Variants in PSG2 observed in about 807,000 individuals in gnomAD.
PSG2 encodes pregnancy-specific beta-1-glycoprotein 2.
In PSG2, 49 loss-of-function variants were observed where a neutral mutation model predicts 36.2. The observed-to-expected ratio is 1.35, with a 90% CI of 1.08 to 1.72. PSG2 has a LOEUF of 1.72. Ranked by LOEUF, PSG2 falls within the 40% of genes most tolerant of loss-of-function variation. The probability of loss-of-function intolerance (pLI) is 0.00; values close to 1 mark genes in which losing one functional copy is unlikely to be tolerated. For missense variants in PSG2, 605 were observed against 407.2 expected, an observed-to-expected ratio of 1.49 and a Z score of -4.18; for synonymous variants, 261 against 155.6, an observed-to-expected ratio of 1.68 and a Z score of -5.04.
intron 3 of PSG2, among the ~76,000 whole-genome samples, chr19:43,073,880 T>C (rs1967854139): frequency 6.6e-6 from 1 of 151,762 alleles, no homozygotes; most frequent in Non-Finnish European, 1.5e-5. Context: ...TGGTTTAGCA[T>C]CCCAAATCTG....
At chr19:43,072,567 A>C in intron 3 of PSG2, 1 of 1,611,378 alleles carries the variant, frequency 6.2e-7, no homozygotes, top group Non-Finnish European at 8.5e-7. Context: ...GTGAAGGCTA[A>C]TACATCCTTA....
intron 4 of PSG2, among the ~76,000 whole-genome samples, chr19:43,071,374 T>G (rs1967813619): frequency 6.6e-6 from 1 of 151,740 alleles, no homozygotes; most frequent in Admixed American, 6.6e-5. Context: ...GAAGGGGATG[T>G]GTTAGTGACA....
intron 3 of PSG2, among the ~76,000 whole-genome samples, chr19:43,073,818 T>A (rs1463742348): frequency 6.6e-6 from 1 of 151,670 alleles, no homozygotes; most frequent in Admixed American, 6.6e-5. Flanking sequence ...AGACAAAAAG[T>A]GTTTCGGATT....
At chr19:43,075,317 T>TG in intron 3 of PSG2, 37 bp downstream of exon 3, 1 of 1,613,122 alleles carries the variant, frequency 6.2e-7, no homozygotes, top group Non-Finnish European at 8.5e-7. Flanking sequence ...GTATTTGGGA[T>TG]GGCAGTCTGG....
At chr19:43,071,294 G>C (rs1432649271) in intron 4 of PSG2, among the ~76,000 whole-genome samples, 1 of 151,444 alleles carries the variant, frequency 6.6e-6, no homozygotes, top group African/African-American at 2.4e-5. Context: ...GGAAAAGTGT[G>C]AGCTTGTTTC....
At chr19:43,079,712 G>A (rs1378512223) in intron 2 of PSG2, among the ~76,000 whole-genome samples, 1 of 151,692 alleles carries the variant, frequency 6.6e-6, no homozygotes, top group Non-Finnish European at 1.5e-5. Flanking sequence ...GACAGTTGAG[G>A]CAGGTGATTT....
Position 43,075,566 on chromosome 19 carries a change from A to G in PSG2, c.497T>C (p.Ile166Thr). ...LNPREAMETV[I>T]LTCDPETPDT... ...CGGAGTCTCAGGATCACAGGTTAAG[A>G]TCACAGTTTCCATGGCCTCCCTGGG... Residue 166 changes from isoleucine to threonine, a missense_variant, in exon 3 of 6, where the codon ATC (isoleucine) becomes ACC (threonine). Ile to Thr is a moderately conservative substitution (Grantham distance 89, BLOSUM62 -1). Coordinates refer to ENST00000406487, the MANE Select transcript of PSG2 (RefSeq NM_031246.4). The G allele has an allele frequency of 1.2e-6, 2 of 1,613,300 alleles. No homozygotes were observed. Among genetic ancestry groups the G allele is most frequent in the Non-Finnish European group, 1.7e-6 (2 of 1,179,776 alleles).
At chr19:43,072,286 G>A in intron 3 of PSG2, 1 of 1,594,122 alleles carries the variant, frequency 6.3e-7, no homozygotes, top group East Asian at 2.2e-5. Context: ...GAGAGACTGA[G>A]AGGCCTGGCC....
At chr19:43,073,664 C>T (rs1267693866) in intron 3 of PSG2, among the ~76,000 whole-genome samples, 2 of 151,576 alleles carry the variant, frequency 1.3e-5, no homozygotes, top group East Asian at 3.8e-4. Flanking sequence ...CTGCTGGTTG[C>T]CAGGAGCTGG....
chr19:43,073,313 G>A (rs1343110161), intron 3 of PSG2, among the ~76,000 whole-genome samples: 2 of 151,768 alleles, frequency 1.3e-5, no homozygotes, highest in East Asian at 3.9e-4. Context: ...AAGAGTGAAG[G>A]GGATAGGCAA....
intron 2 of PSG2, among the ~76,000 whole-genome samples, chr19:43,078,190 G>T (rs1433028078): frequency 6.6e-6 from 1 of 151,758 alleles, no homozygotes; most frequent in African/African-American, 2.4e-5. Context: ...GGCTAACCTT[G>T]GGAGGAATTT....
Position 43,072,672 on chromosome 19 carries a change from T to A in PSG2, c.710-718A>T. ...AGAAGATTGTCCTGTGTGGCACTTT[T>A]GATTCCTCCACAGGCATCCTTCAAT... On this transcript the variant is annotated intron_variant, in intron 3 of 5. Transcript: ENST00000406487. 18 of 1,603,756 alleles carry A rather than the reference T, an allele frequency of 1.1e-5. No homozygotes were observed. In the South Asian group the frequency reaches 2.0e-4, roughly 18 times the overall value.
Position 43,077,583 on chromosome 19 carries a change from A to T in PSG2, c.431-1951T>A, listed in dbSNP as rs142670525. On this transcript the variant is annotated intron_variant, in intron 2 of 5. Transcript: ENST00000406487. ...ACAAGAAGAACTCCAACTTATGAAA[A>T]CGGCATCATCATGAGGAAACACTTG... 5.3e-5 allele frequency among the ~76,000 whole-genome samples: 8 copies of T among 151,806 alleles called. No homozygotes were observed. The East Asian group carries it at 1.5e-3, about 29-fold the overall frequency.
At chr19:43,073,526 A>G (rs1310291655) in intron 3 of PSG2, among the ~76,000 whole-genome samples, 1 of 151,764 alleles carries the variant, frequency 6.6e-6, no homozygotes, top group African/African-American at 2.4e-5. Context: ...TTTGATGGAT[A>G]TGAGACAAAT....
chr19:43,071,712 C>T lies in PSG2; in HGVS notation c.952G>A (p.Val318Ile), dbSNP rs1142256. ...GGGATCCACTTACCAGAGACTTTGA[C>T]TGTCAACGATGTGGAGCTTTCCTCG... ...TGEESSTSLT[V>I]KVSASTRIGL... Residue 318 changes from valine (V) to isoleucine (I), a missense_variant, in exon 4 of 6, where the codon GTC becomes ATC. Coordinates refer to ENST00000406487, the MANE Select transcript of PSG2 (RefSeq NM_031246.4). The T allele has an allele frequency of 1.2e-6, 2 of 1,613,004 alleles. No homozygotes were observed. The highest frequency in any genetic ancestry group is 1.7e-6 in the Non-Finnish European group (2 of 1,179,490).
At position 43,064,326 on chromosome 19, in the gene PSG2, G is replaced by C. The variant is rs950526499; in HGVS notation, c.*316C>G. On this transcript the variant is annotated 3_prime_UTR_variant, in exon 6 of 6. Transcript: ENST00000406487. Reference sequence around the variant, plus strand: ...AATGTTTCAATTTTTGTTTACAAAAGTATACTTTACCAATTGCTCAAGAAA... The same window carrying C: ...AATGTTTCAATTTTTGTTTACAAAACTATACTTTACCAATTGCTCAAGAAA... 7 of 267,812 alleles carry C rather than the reference G, an allele frequency of 2.6e-5. No individual in the cohort carries two copies. Among genetic ancestry groups the C allele is most frequent in the African/African-American group, 1.6e-4 (7 of 44,178 alleles). 16.6% of individuals were successfully genotyped at this position (267,812 alleles called of 1,614,324 possible).
At chr19:43,066,379 G>T (rs1967739422) in intron 5 of PSG2, 138 bp downstream of exon 5, 1 of 691,988 alleles carries the variant, frequency 1.4e-6, no homozygotes, top group Admixed American at 2.1e-5. Context: ...GGAACTGCAG[G>T]AATTAGTGCT....
At chr19:43,080,625 TCTC>T (rs1447618703) in intron 2 of PSG2, among the ~76,000 whole-genome samples, 3 of 151,536 alleles carry the variant, frequency 2.0e-5, no homozygotes, top group Non-Finnish European at 4.4e-5. Context: ...CTGAGACTGA[TCTC>T]CTCCTGCTGA....
At chr19:43,080,426 C>T (rs1360413917) in intron 2 of PSG2, among the ~76,000 whole-genome samples, 1 of 151,716 alleles carries the variant, frequency 6.6e-6, no homozygotes, top group Admixed American at 6.6e-5. Context: ...CATGAAGCCA[C>T]AACCCAGCCC....
Sources: allele counts gnomAD v4.1 joint callset (sites outside exome capture counted in the v4.1 genomes callset), GRCh38; gene constraint gnomAD v4.1.1; transcripts MANE v1.5; gene names NCBI Gene and HGNC (gene_info 2026-07-23, HGNC 2026-07-21).